The following GRIA4 variants were observed in gnomAD, a reference collection of about 807,000 sequenced individuals.
GRIA4 encodes glutamate ionotropic receptor AMPA type subunit 4.
Under a neutral mutation model 104.0 loss-of-function variants are expected in GRIA4, and 34 were observed. That is an observed-to-expected ratio of 0.33 (90% CI 0.25 to 0.44). GRIA4 has a LOEUF of 0.44. GRIA4 is among the 20% of genes least tolerant of loss of function. The probability of loss-of-function intolerance (pLI) is 1.00; values close to 1 mark genes in which losing one functional copy is unlikely to be tolerated. For synonymous variants in GRIA4, 386 were observed against 381.9 expected, an observed-to-expected ratio of 1.01 and a Z score of -0.13; for missense variants, 750 against 1,096.5, an observed-to-expected ratio of 0.68 and a Z score of 4.46.
intron 4 of GRIA4, among the ~76,000 whole-genome samples, chr11:105,820,896 T>G (rs1246818473): frequency 6.6e-6 from 1 of 152,174 alleles, no homozygotes; most frequent in Non-Finnish European, 1.5e-5. Context: ...TTTGTCTTAT[T>G]TTCCAAACCA....
intron 3 of GRIA4, among the ~76,000 whole-genome samples, chr11:105,670,225 G>C (rs914048246): frequency 6.6e-6 from 1 of 152,076 alleles, no homozygotes; most frequent in African/African-American, 2.4e-5. Context: ...AGCATATACA[G>C]TACATAAAAT....
chr11:105,817,797 T>C (rs1170355999), intron 4 of GRIA4, among the ~76,000 whole-genome samples: 1 of 152,138 alleles, frequency 6.6e-6, no homozygotes, highest in East Asian at 1.9e-4. Flanking sequence ...ATATTTCTAG[T>C]AGTGAAGATC....
chr11:105,967,915 T>C (rs1310343592), intron 14 of GRIA4, among the ~76,000 whole-genome samples: 1 of 152,194 alleles, frequency 6.6e-6, no homozygotes, highest in Non-Finnish European at 1.5e-5. Flanking sequence ...AGGTGACTGA[T>C]TTTCTTTGTA....
intron 3 of GRIA4, among the ~76,000 whole-genome samples, chr11:105,692,633 G>A (rs1190310419): frequency 6.6e-6 from 1 of 152,070 alleles, no homozygotes; most frequent in African/African-American, 2.4e-5. Flanking sequence ...TAACTTTTTG[G>A]TAACTCATTA....
intron 15 of GRIA4, 37 bp from the exon 16 acceptor site, chr11:105,974,273 T>C: frequency 6.3e-7 from 1 of 1,595,334 alleles, no homozygotes; most frequent in Non-Finnish European, 8.6e-7. Context: ...GGATGTGACA[T>C]TTCCACAGTT....
chr11:105,664,915 T>C (rs1259779392), intron 3 of GRIA4, among the ~76,000 whole-genome samples: 1 of 152,014 alleles, frequency 6.6e-6, no homozygotes, highest in Non-Finnish European at 1.5e-5. Flanking sequence ...AAACATTTGA[T>C]TCTTTTTCCA....
chr11:105,894,261 G>C (rs1208997074), intron 6 of GRIA4, among the ~76,000 whole-genome samples: 1 of 152,110 alleles, frequency 6.6e-6, no homozygotes, highest in African/African-American at 2.4e-5. Context: ...ATATGCAGGA[G>C]TATAAGGTGA....
intron 3 of GRIA4, among the ~76,000 whole-genome samples, chr11:105,626,203 G>A (rs555364421): frequency 1.1e-3 from 173 of 152,028 alleles, no homozygotes; most frequent in African/African-American, 3.9e-3. Flanking sequence ...ACAAACATAA[G>A]GGCCGTGAAA....
intron 4 of GRIA4, among the ~76,000 whole-genome samples, chr11:105,804,249 T>G (rs1055855437): frequency 1.3e-5 from 2 of 151,914 alleles, no homozygotes; most frequent in Non-Finnish European, 2.9e-5. Context: ...ATTAAAGACA[T>G]GTTATGATGT....
intron 3 of GRIA4, among the ~76,000 whole-genome samples, chr11:105,627,404 C>T (rs758229587): frequency 4.6e-5 from 7 of 151,978 alleles, no homozygotes; most frequent in Non-Finnish European, 8.8e-5. Context: ...GGATGTTATG[C>T]CATATTCTTC....
chr11:105,769,668 G>A (rs1476952013), intron 4 of GRIA4, among the ~76,000 whole-genome samples: 1 of 151,992 alleles, frequency 6.6e-6, no homozygotes, highest in African/African-American at 2.4e-5. Flanking sequence ...ACGAAAGTTC[G>A]TCTTTCAGAA....
At chr11:105,757,096 A>C (rs543037829) in intron 4 of GRIA4, among the ~76,000 whole-genome samples, 1 of 152,336 alleles carries the variant, frequency 6.6e-6, no homozygotes, top group South Asian at 2.1e-4. Context: ...AACTCTCTTC[A>C]GAGCATCTCC....
intron 10 of GRIA4, chr11:105,912,742 C>T: frequency 1.0e-6 from 1 of 971,490 alleles, no homozygotes; most frequent in Non-Finnish European, 1.2e-6. Flanking sequence ...AATCCTTTTT[C>T]TGAAAGTGTT....
chr11:105,688,140 ATATCTATATCTATATCTCTATC>A (rs1316831296), intron 3 of GRIA4, among the ~76,000 whole-genome samples: 70 of 86,940 alleles, frequency 8.1e-4, no homozygotes, highest in South Asian at 6.6e-3. Context: ...ATCTATATCT[ATATCTATATCTATATCTCTATC>A]TATCTATCTA....
At chr11:105,816,064 A>G (rs1016813284) in intron 4 of GRIA4, among the ~76,000 whole-genome samples, 6 of 152,148 alleles carry the variant, frequency 3.9e-5, no homozygotes, top group Non-Finnish European at 7.3e-5. Flanking sequence ...AGCACAGTAT[A>G]ATAAGAACAT....
At chr11:105,869,676 A>T (rs1459912391) in intron 5 of GRIA4, among the ~76,000 whole-genome samples, 1 of 152,074 alleles carries the variant, frequency 6.6e-6, no homozygotes, top group Non-Finnish European at 1.5e-5. Flanking sequence ...ACATAACTAC[A>T]TTTTTATAAA....
rs1859183595 is a variant in GRIA4, at chr11:105,979,738, A to G, written c.2708A>G (p.Ter903=). Residue 903 remains the stop codon, a stop_retained_variant, in exon 17 of 17, where the codon TAA becomes TGA. Transcript: ENST00000282499. ...GCTGTCATTGCATCGGACCTACCAT[A>G]AAAACCAAAAAAATAATTGAGTGCC... ...GLAVIASDLP[*] 6 of 1,610,912 alleles carry G rather than the reference A, an allele frequency of 3.7e-6. No homozygotes were observed. In the South Asian group the frequency reaches 6.6e-5, roughly 18 times the overall value.
chr11:105,682,810 A>T (rs922743675), intron 3 of GRIA4, among the ~76,000 whole-genome samples: 2 of 152,232 alleles, frequency 1.3e-5, no homozygotes, highest in Non-Finnish European at 1.5e-5. Context: ...TTGCCTTTAC[A>T]GTAATGAATG....
intron 4 of GRIA4, among the ~76,000 whole-genome samples, chr11:105,857,272 G>C (rs1945041053): frequency 6.6e-6 from 1 of 152,130 alleles, no homozygotes; most frequent in African/African-American, 2.4e-5. Flanking sequence ...AAATCAATAA[G>C]TGGCGTTAGA....
Sources: allele counts gnomAD v4.1 joint callset (sites outside exome capture counted in the v4.1 genomes callset), GRCh38; gene constraint gnomAD v4.1.1; transcripts MANE v1.5; gene names NCBI Gene and HGNC (gene_info 2026-07-23, HGNC 2026-07-21).